The following XAF1 variants were observed in gnomAD, a reference collection of about 807,000 sequenced individuals.
The protein encoded by XAF1 is XIAP associated factor 1, also known as XIAP-associated factor 1.
In XAF1, 32 loss-of-function variants were observed where a neutral mutation model predicts 32.3. The ratio of observed to expected loss-of-function variants is 0.99; its 90% confidence interval spans 0.75 to 1.33. The LOEUF is 1.33. Ranked by LOEUF, XAF1 falls within the 40% of genes most tolerant of loss-of-function variation. The probability of loss-of-function intolerance (pLI) is 0.00; values close to 1 mark genes in which losing one functional copy is unlikely to be tolerated. For missense variants in XAF1, 379 were observed against 366.0 expected (o/e 1.04, Z -0.29); for synonymous variants, 120 against 125.9 (o/e 0.95, Z 0.31).
Position 6,773,301 on chromosome 17 carries a change from C to A in XAF1, c.*132C>A. 2.5e-6 allele frequency: 2 copies of A among 793,804 alleles called. No individual in the cohort carries two copies. Among genetic ancestry groups the A allele is most frequent in the Non-Finnish European group, 3.7e-6 (2 of 533,630 alleles). 49.2% of individuals were successfully genotyped at this position (793,804 alleles called of 1,614,324 possible). A position where few individuals can be genotyped will look rare whatever the true frequency, so the allele number is the denominator to read the frequency against. On this transcript the variant is annotated 3_prime_UTR_variant, in exon 7 of 7. Coordinates refer to ENST00000361842, the MANE Select transcript of XAF1 (RefSeq NM_017523.5). ...TTGGGCTTTAAAAGAAAAGGTTTGG[C>A]AGAACTAAAAACAAAACTCACGTAT...
intron 5 of XAF1, 88 bp downstream of exon 5, chr17:6,762,328 AT>A: frequency 1.8e-6 from 2 of 1,103,352 alleles, no homozygotes; most frequent in Non-Finnish European, 1.3e-6. Context: ...TCTGGGCCCA[AT>A]TTTACATAGC....
intron 3 of XAF1, 129 bp downstream of exon 3, chr17:6,759,847 A>C: frequency 6.7e-7 from 1 of 1,502,802 alleles, no homozygotes; most frequent in Non-Finnish European, 9.0e-7. Context: ...TTAGGCTTGG[A>C]GAGCAGTGGA....
intron 4 of XAF1, among the ~76,000 whole-genome samples, 156 bp downstream of exon 4, chr17:6,760,757 C>T (rs1267193015): frequency 2.0e-5 from 3 of 152,210 alleles, no homozygotes; most frequent in African/African-American, 7.2e-5. Flanking sequence ...TAAACCATGC[C>T]TCAGAGTGGC....
At chr17:6,772,099 T>C (rs1316688198) in intron 6 of XAF1, among the ~76,000 whole-genome samples, 3 of 152,204 alleles carry the variant, frequency 2.0e-5, no homozygotes, top group Non-Finnish European at 4.4e-5. Context: ...CATAAGCATA[T>C]AATTTTACAA....
upstream of XAF1, chr17:6,755,645 C>G: frequency 9.7e-7 from 1 of 1,031,318 alleles, no homozygotes; most frequent in Non-Finnish European, 1.2e-6. Context: ...CATTCAAGCT[C>G]AACATGGCAA....
At chr17:6,761,721 G>GCAACACAACA (rs369358018) in intron 4 of XAF1, 3 of 727,156 alleles carry the variant, frequency 4.1e-6, no homozygotes, top group African/African-American at 1.9e-5. Flanking sequence ...CAACTTCAGT[G>GCAACACAACA]CAACACAACA....
chr17:6,756,373 G>A, intron 1 of XAF1: 1 of 1,097,326 alleles, frequency 9.1e-7, no homozygotes, highest in Non-Finnish European at 1.2e-6. Context: ...AAGCCAAATA[G>A]CCCGGCCAGT....
intron 4 of XAF1, among the ~76,000 whole-genome samples, chr17:6,761,015 G>A (rs1429149908): frequency 9.2e-5 from 14 of 152,314 alleles, no homozygotes; most frequent in Admixed American, 3.9e-4. Context: ...TTAGCCGGGC[G>A]TGGTGGCGGA....
At chr17:6,771,733 T>C (rs1236692348) in intron 6 of XAF1, 1 of 152,224 alleles carries the variant, frequency 6.6e-6, no homozygotes, top group East Asian at 1.9e-4. Context: ...AATGCCTTAC[T>C]TAAAAAATTT....
chr17:6,766,363 C>A (rs1975628931), intron 5 of XAF1, among the ~76,000 whole-genome samples: 1 of 152,222 alleles, frequency 6.6e-6, no homozygotes, highest in Admixed American at 6.5e-5. Context: ...GCTAACTACT[C>A]CCCAGACACA....
At chr17:6,760,185 T>C (rs542009392) in intron 3 of XAF1, among the ~76,000 whole-genome samples, 1 of 151,708 alleles carries the variant, frequency 6.6e-6, no homozygotes, top group East Asian at 1.9e-4. Flanking sequence ...CCGTCTCTAC[T>C]AAAAGTACAA....
At chr17:6,762,623 C>A (rs926773496) in intron 5 of XAF1, among the ~76,000 whole-genome samples, 1 of 152,198 alleles carries the variant, frequency 6.6e-6, no homozygotes, top group African/African-American at 2.4e-5. Flanking sequence ...AACTGCATGA[C>A]TTTTTCCATT....
chr17:6,755,761 C>T, upstream of XAF1: 1 of 1,153,530 alleles, frequency 8.7e-7, no homozygotes, highest in Non-Finnish European at 1.1e-6. Flanking sequence ...CGGAGAGAAG[C>T]CAGCCAGCCA....
At position 6,760,430 on chromosome 17, in the gene XAF1, G is replaced by A. The variant is rs1975097998; in HGVS notation, c.250G>A (p.Val84Ile). 1.9e-6 allele frequency: 3 copies of A among 1,611,910 alleles called. No individual in the cohort carries two copies. The highest frequency in any genetic ancestry group is 1.1e-5 in the South Asian group (1 of 90,876). Residue 84 changes from valine (V) to isoleucine (I), a missense_variant, in exon 4 of 7, where the codon GTT becomes ATT. Transcript: ENST00000361842. ...HKANECQERPVECKFCKLDMQ... is the reference protein window; with the variant it reads ...HKANECQERPIECKFCKLDMQ... Reference sequence around the variant, plus strand: ...GGCCAATGAGTGCCAGGAGCGCCCTGTTGAGTGTAAGTTCTGCAAACTGGA... The same window carrying A: ...GGCCAATGAGTGCCAGGAGCGCCCTATTGAGTGTAAGTTCTGCAAACTGGA...
chr17:6,767,761 C>CTGCTGCTGCT (rs1452934310), intron 5 of XAF1, among the ~76,000 whole-genome samples: 1 of 152,146 alleles, frequency 6.6e-6, no homozygotes, highest in African/African-American at 2.4e-5. Context: ...GCTGCTGCTG[C>CTGCTGCTGCT]TGCTTGCTTC....
At chr17:6,760,737 A>G in intron 4 of XAF1, 136 bp downstream of exon 4, 1 of 942,706 alleles carries the variant, frequency 1.1e-6, no homozygotes, top group East Asian at 2.7e-5. Context: ...TCATCTGGCT[A>G]TTCTAATTCT....
intron 6 of XAF1, chr17:6,772,775 T>G (rs1976150321): frequency 4.8e-6 from 1 of 207,992 alleles, no homozygotes. Flanking sequence ...CCAGCAACAT[T>G]TCTTTACATC....
At chr17:6,759,188 AAT>A (rs1263749992) in intron 2 of XAF1, 1 of 1,026,228 alleles carries the variant, frequency 9.7e-7, no homozygotes, top group Non-Finnish European at 1.2e-6. Flanking sequence ...AGGAAATGTT[AAT>A]CCTGCCTTTT....
chr17:6,772,762 C>T (rs766104731), intron 6 of XAF1: 4 of 193,448 alleles, frequency 2.1e-5, no homozygotes, highest in South Asian at 1.0e-4. Context: ...TGAGCCACCA[C>T]GCCCAGCAAC....
Sources: gnomAD v4.1 joint callset for allele counts (sites outside exome capture counted in the v4.1 genomes callset) on GRCh38, gnomAD v4.1.1 for gene constraint, MANE v1.5 for transcripts, NCBI Gene and HGNC (gene_info 2026-07-23, HGNC 2026-07-21) for gene names.